Variants in SNTG1 observed in about 807,000 individuals in gnomAD.
The protein encoded by SNTG1 is syntrophin gamma 1.
In SNTG1, 39 loss-of-function variants were observed where a neutral mutation model predicts 74.7. The ratio of observed to expected loss-of-function variants is 0.52; its 90% CI spans 0.40 to 0.68. The LOEUF (loss-of-function observed/expected upper bound fraction) is 0.68, where lower values mean the gene tolerates loss of function less well. Among genes scored for constraint, SNTG1 ranks in the 30% least tolerant of loss-of-function variants. The pLI is 0.00. For synonymous variants in SNTG1, 254 were observed against 217.1 expected (o/e 1.17, Z -1.49); for missense variants, 685 against 609.5 (o/e 1.12, Z -1.30).
chr8:50,695,337 G>A (rs1043738684), intron 15 of SNTG1, among the ~76,000 whole-genome samples: 12 of 151,782 alleles, frequency 7.9e-5, no homozygotes, highest in East Asian at 7.7e-4. Context: ...AAACAATACC[G>A]TTTATAATAG....
intron 2 of SNTG1, among the ~76,000 whole-genome samples, chr8:50,187,389 C>T (rs553896040): frequency 1.3e-5 from 2 of 152,082 alleles, no homozygotes; most frequent in Non-Finnish European, 2.9e-5. Flanking sequence ...TGGTCTTTGA[C>T]AAACCTGACA....
At chr8:50,212,665 T>A (rs2084577415) in intron 2 of SNTG1, among the ~76,000 whole-genome samples, 1 of 152,174 alleles carries the variant, frequency 6.6e-6, no homozygotes, top group South Asian at 2.1e-4. Context: ...GACAGTTAAT[T>A]CTCATCTCTA....
At chr8:50,644,850 T>C (rs1405818655) in intron 13 of SNTG1, among the ~76,000 whole-genome samples, 1 of 151,982 alleles carries the variant, frequency 6.6e-6, no homozygotes, top group Non-Finnish European at 1.5e-5. Flanking sequence ...AATTTTAACA[T>C]TACTCTCTTG....
intron 4 of SNTG1, among the ~76,000 whole-genome samples, chr8:50,429,601 T>A (rs1293914693): frequency 1.3e-5 from 2 of 152,082 alleles, no homozygotes; most frequent in Admixed American, 1.3e-4. Flanking sequence ...GCCATCAAGG[T>A]GCAAATTACA....
intron 1 of SNTG1, among the ~76,000 whole-genome samples, chr8:50,020,605 T>C (rs574806251): frequency 6.6e-6 from 1 of 152,292 alleles, no homozygotes; most frequent in Admixed American, 6.5e-5. Flanking sequence ...GCATGGATTT[T>C]ATTGTTGTTT....
chr8:50,113,569 C>G (rs1185231951), intron 1 of SNTG1, among the ~76,000 whole-genome samples: 1 of 152,108 alleles, frequency 6.6e-6, no homozygotes, highest in Non-Finnish European at 1.5e-5. Context: ...ATTGAATACC[C>G]TTTATTTCTT....
chr8:50,225,122 C>T (rs982036777), intron 2 of SNTG1, among the ~76,000 whole-genome samples: 2 of 152,098 alleles, frequency 1.3e-5, no homozygotes, highest in South Asian at 2.1e-4. Flanking sequence ...AGGCGCCCAC[C>T]ACCACGTCCA....
chr8:50,734,739 G>A (rs2095521644), intron 17 of SNTG1, among the ~76,000 whole-genome samples: 2 of 81,522 alleles, frequency 2.5e-5, no homozygotes, highest in Admixed American at 2.3e-4. Flanking sequence ...CTATATATAT[G>A]GACATGTATA....
chr8:50,506,955 A>G (rs1315058905), intron 9 of SNTG1, among the ~76,000 whole-genome samples: 1 of 152,106 alleles, frequency 6.6e-6, no homozygotes, highest in Non-Finnish European at 1.5e-5. Context: ...CTTTTTATAT[A>G]TGAATGACCT....
chr8:50,513,525 A>G (rs564186011), intron 9 of SNTG1, among the ~76,000 whole-genome samples: 1 of 152,354 alleles, frequency 6.6e-6, no homozygotes, highest in Admixed American at 6.5e-5. Context: ...CGGAGCCTAC[A>G]AAGGCAGGCA....
At chr8:50,356,041 G>T (rs570342657) in intron 2 of SNTG1, among the ~76,000 whole-genome samples, 9 of 151,908 alleles carry the variant, frequency 5.9e-5, no homozygotes, top group Non-Finnish European at 1.2e-4. Flanking sequence ...TCCTTTTTTT[G>T]TTTGTTTTTG....
chr8:49,999,242 C>G (rs1814525441), intron 1 of SNTG1, among the ~76,000 whole-genome samples: 2 of 152,050 alleles, frequency 1.3e-5, no homozygotes, highest in Admixed American at 1.3e-4. Flanking sequence ...TTAACGGTGC[C>G]CAGTTTCACA....
intron 1 of SNTG1, among the ~76,000 whole-genome samples, chr8:49,971,316 AC>A (rs1421580932): frequency 8.5e-5 from 13 of 152,162 alleles, no homozygotes; most frequent in African/African-American, 2.4e-4. Flanking sequence ...AATTTCAACA[AC>A]CCTTCATGCT....
intron 12 of SNTG1, among the ~76,000 whole-genome samples, chr8:50,562,463 C>T (rs781376279): frequency 2.6e-5 from 4 of 152,172 alleles, no homozygotes; most frequent in Non-Finnish European, 5.9e-5. Flanking sequence ...TCAAAGAAAG[C>T]AGTAGTCCAA....
intron 1 of SNTG1, among the ~76,000 whole-genome samples, chr8:50,007,662 T>C (rs1815368859): frequency 6.6e-6 from 1 of 152,064 alleles, no homozygotes; most frequent in Non-Finnish European, 1.5e-5. Flanking sequence ...AGAGATTCCA[T>C]AGGATTTCAG....
intron 2 of SNTG1, among the ~76,000 whole-genome samples, chr8:50,203,427 A>G (rs2084068620): frequency 6.6e-6 from 1 of 152,082 alleles, no homozygotes; most frequent in African/African-American, 2.4e-5. Context: ...CAGTTCTTTA[A>G]TGGGCCCAAG....
At chr8:50,487,409 T>C (rs1439695810) in intron 8 of SNTG1, among the ~76,000 whole-genome samples, 1 of 152,202 alleles carries the variant, frequency 6.6e-6, no homozygotes, top group African/African-American at 2.4e-5. Context: ...TGTGGCATTA[T>C]TCACAATAGC....
intron 1 of SNTG1, among the ~76,000 whole-genome samples, chr8:50,154,005 A>G (rs1272916799): frequency 1.3e-5 from 2 of 152,152 alleles, no homozygotes; most frequent in Non-Finnish European, 2.9e-5. Flanking sequence ...CCAGAGGTGG[A>G]GTCTACAGAG....
At chr8:50,303,434 T>G (rs1454169639) in intron 2 of SNTG1, among the ~76,000 whole-genome samples, 1 of 152,026 alleles carries the variant, frequency 6.6e-6, no homozygotes, top group African/African-American at 2.4e-5. Context: ...GACATATTCA[T>G]AGATACTTAA....
Sources: allele counts gnomAD v4.1 joint callset (sites outside exome capture counted in the v4.1 genomes callset), GRCh38; gene constraint gnomAD v4.1.1; transcripts MANE v1.5; gene names NCBI Gene and HGNC (gene_info 2026-07-23, HGNC 2026-07-21).